NRXN1: variants seen among roughly 807,000 people sequenced by gnomAD.
NRXN1 encodes the protein neurexin-1.
Under a neutral mutation model 150.9 loss-of-function variants are expected in NRXN1, and 39 were observed. The ratio of observed to expected loss-of-function variants is 0.26; its 90% CI spans 0.20 to 0.34. The LOEUF (loss-of-function observed/expected upper bound fraction) is 0.34. NRXN1 is among the 10% of genes least tolerant of loss of function. The probability of loss-of-function intolerance (pLI) is 1.00; values close to 1 mark genes in which losing one functional copy is unlikely to be tolerated. For synonymous variants in NRXN1, 924 were observed against 757.0 expected, an observed-to-expected ratio of 1.22 and a Z score of -3.62; for missense variants, 1,815 against 1,949.9, an observed-to-expected ratio of 0.93 and a Z score of 1.30.
At chr2:50,454,942 T>C (rs1440183316) in intron 17 of NRXN1, among the ~76,000 whole-genome samples, 2 of 151,930 alleles carry the variant, frequency 1.3e-5, no homozygotes, top group African/African-American at 4.8e-5. Context: ...AGCTGGATCA[T>C]CTCCACAGGC....
chr2:50,840,356 T>C (rs1672689381), intron 5 of NRXN1, among the ~76,000 whole-genome samples: 1 of 152,136 alleles, frequency 6.6e-6, no homozygotes, highest in Non-Finnish European at 1.5e-5. Flanking sequence ...ACTCAAAAGA[T>C]ACACTTATGA....
chr2:50,128,647 A>C (rs573644367), intron 18 of NRXN1, among the ~76,000 whole-genome samples: 12 of 152,212 alleles, frequency 7.9e-5, no homozygotes, highest in African/African-American at 2.9e-4. Context: ...GAAAATATAA[A>C]TTGTTTAAAT....
chr2:50,996,429 C>A (rs1460910393), intron 2 of NRXN1, among the ~76,000 whole-genome samples: 1 of 151,958 alleles, frequency 6.6e-6, no homozygotes, highest in Non-Finnish European at 1.5e-5. Context: ...CCAGTTTAAA[C>A]CAGCTTAACT....
chr2:50,543,376 T>G (rs2093428848), intron 9 of NRXN1, among the ~76,000 whole-genome samples: 1 of 152,110 alleles, frequency 6.6e-6, no homozygotes, highest in African/African-American at 2.4e-5. Flanking sequence ...TTTAAGAATC[T>G]GAAGCACCCT....
At chr2:50,057,028 C>G (rs1693757516) in intron 19 of NRXN1, among the ~76,000 whole-genome samples, 1 of 152,150 alleles carries the variant, frequency 6.6e-6, no homozygotes, top group Non-Finnish European at 1.5e-5. Flanking sequence ...CTACTACAGT[C>G]TATTGACAGA....
intron 5 of NRXN1, among the ~76,000 whole-genome samples, chr2:50,909,030 G>A (rs1684154368): frequency 6.6e-6 from 1 of 151,892 alleles, no homozygotes; most frequent in Non-Finnish European, 1.5e-5. Flanking sequence ...AAATAAAGAT[G>A]GGGTGGAGAA....
At chr2:50,737,602 TG>T (rs1477872831) in intron 5 of NRXN1, among the ~76,000 whole-genome samples, 1 of 152,154 alleles carries the variant, frequency 6.6e-6, no homozygotes, top group Non-Finnish European at 1.5e-5. Context: ...GGTGACTATT[TG>T]GGGGAGGAGG....
intron 5 of NRXN1, among the ~76,000 whole-genome samples, chr2:50,693,655 G>A (rs1692385425): frequency 6.6e-6 from 1 of 152,144 alleles, no homozygotes; most frequent in African/African-American, 2.4e-5. Context: ...AGGAAAATAT[G>A]AAGGGAAAAT....
intron 5 of NRXN1, among the ~76,000 whole-genome samples, chr2:50,764,879 G>A (rs1224204742): frequency 1.3e-5 from 2 of 151,846 alleles, no homozygotes; most frequent in Non-Finnish European, 1.5e-5. Flanking sequence ...TAAATCTCTC[G>A]GCTCCCAAGA....
intron 17 of NRXN1, among the ~76,000 whole-genome samples, chr2:50,454,664 T>TCACACACACACACA (rs3052512): frequency 3.9e-4 from 55 of 140,816 alleles, no homozygotes; most frequent in East Asian, 1.7e-3. Context: ...TGGGCAAAGA[T>TCACACACACACACA]CACACACACA....
At chr2:50,452,485 G>C (rs144583905) in intron 17 of NRXN1, among the ~76,000 whole-genome samples, 1 of 152,198 alleles carries the variant, frequency 6.6e-6, no homozygotes, top group African/African-American at 2.4e-5. Flanking sequence ...ACTTGCTCAA[G>C]GCCACATACT....
intron 8 of NRXN1, among the ~76,000 whole-genome samples, chr2:50,568,796 T>C (rs549673240): frequency 2.0e-5 from 3 of 152,210 alleles, no homozygotes; most frequent in African/African-American, 7.2e-5. Flanking sequence ...AGTATATATA[T>C]ACCTCAAAGA....
At chr2:50,162,137 A>G (rs907736301) in intron 18 of NRXN1, among the ~76,000 whole-genome samples, 5 of 152,094 alleles carry the variant, frequency 3.3e-5, no homozygotes, top group Non-Finnish European at 7.4e-5. Context: ...GTTATGCCCA[A>G]ATTGCTCCTT....
chr2:50,801,414 A>C (rs1392966505), intron 5 of NRXN1, among the ~76,000 whole-genome samples: 1 of 152,162 alleles, frequency 6.6e-6, no homozygotes, highest in Non-Finnish European at 1.5e-5. Flanking sequence ...AACAGGGTAA[A>C]AGTTTCAGAC....
intron 2 of NRXN1, among the ~76,000 whole-genome samples, chr2:51,006,241 T>C (rs955888977): frequency 9.9e-5 from 15 of 151,852 alleles, no homozygotes; most frequent in African/African-American, 3.6e-4. Context: ...TCATGTCCTT[T>C]GTAGGGACAT....
intron 17 of NRXN1, among the ~76,000 whole-genome samples, chr2:50,352,741 A>G (rs1237408893): frequency 1.4e-5 from 2 of 145,306 alleles, no homozygotes; most frequent in African/African-American, 2.5e-5. Context: ...AGAAAATGAG[A>G]GTAAGAGCAT....
chr2:50,399,334 A>G (rs2082246239), intron 17 of NRXN1, among the ~76,000 whole-genome samples: 2 of 152,124 alleles, frequency 1.3e-5, no homozygotes, highest in Non-Finnish European at 1.5e-5. Flanking sequence ...TTCTTGATCA[A>G]TATTTTCAAA....
intron 17 of NRXN1, among the ~76,000 whole-genome samples, chr2:50,437,164 C>G (rs2085517627): frequency 2.0e-5 from 3 of 152,106 alleles, no homozygotes; most frequent in African/African-American, 7.2e-5. Context: ...TACAGGAAAA[C>G]CTAGTTAAGT....
At chr2:50,895,302 A>T (rs1681750632) in intron 5 of NRXN1, among the ~76,000 whole-genome samples, 1 of 152,190 alleles carries the variant, frequency 6.6e-6, no homozygotes, top group Non-Finnish European at 1.5e-5. Flanking sequence ...CAGACATGAC[A>T]TCTTTGAATT....
Sources: allele counts gnomAD v4.1 joint callset (sites outside exome capture counted in the v4.1 genomes callset), GRCh38; gene constraint gnomAD v4.1.1; transcripts MANE v1.5; gene names NCBI Gene and HGNC (gene_info 2026-07-23, HGNC 2026-07-21).